SNX29: variants seen among roughly 807,000 people sequenced by gnomAD.
SNX29 encodes the protein sorting nexin 29.
Under a neutral mutation model 102.1 loss-of-function variants are expected in SNX29, and 78 were observed. The ratio of observed to expected loss-of-function variants is 0.76; its 90% CI spans 0.64 to 0.92. SNX29 has a LOEUF of 0.92. Among genes scored for constraint, SNX29 ranks in the 40% least tolerant of loss-of-function variants. The pLI, the probability that SNX29 is intolerant of heterozygous loss-of-function variation, is 0.00. For missense variants in SNX29, 1,280 were observed against 1,061.7 expected (o/e 1.21, Z -2.86); for synonymous variants, 580 against 414.5 (o/e 1.40, Z -4.85).
At chr16:12,169,654 G>T (rs1254478263) in intron 13 of SNX29, among the ~76,000 whole-genome samples, 3 of 152,182 alleles carry the variant, frequency 2.0e-5, no homozygotes, top group African/African-American at 7.2e-5. Context: ...GAGGTCAGTA[G>T]TTCGAGACCA....
chr16:12,332,827 G>C (rs539350675), intron 15 of SNX29, among the ~76,000 whole-genome samples: 1 of 151,968 alleles, frequency 6.6e-6, no homozygotes, highest in African/African-American at 2.4e-5. Flanking sequence ...CTTTCATTTC[G>C]TCTTGGCTGC....
chr16:12,443,152 G>C (rs1034262515), intron 18 of SNX29: 6 of 399,386 alleles, frequency 1.5e-5, no homozygotes, highest in African/African-American at 4.2e-5. Context: ...CCTAGGGCCT[G>C]CGTGGGCTTT....
At chr16:12,080,714 A>G (rs2051827600) in intron 11 of SNX29, among the ~76,000 whole-genome samples, 1 of 137,528 alleles carries the variant, frequency 7.3e-6, no homozygotes, top group Non-Finnish European at 1.5e-5. Context: ...TTTTTGAGAC[A>G]GAGTCTTGCT....
intron 11 of SNX29, among the ~76,000 whole-genome samples, chr16:12,117,478 C>T (rs1318787811): frequency 6.6e-6 from 1 of 152,160 alleles, no homozygotes; most frequent in African/African-American, 2.4e-5. Flanking sequence ...ACCGTGGAAA[C>T]AGGCTTAGTC....
At chr16:12,006,235 G>A (rs991807035) in intron 3 of SNX29, among the ~76,000 whole-genome samples, 1 of 120,308 alleles carries the variant, frequency 8.3e-6, no homozygotes, top group Non-Finnish European at 1.9e-5. Flanking sequence ...AATAATAATA[G>A]CCAGGCATGG....
chr16:12,048,765 C>T, intron 7 of SNX29, 145 bp downstream of exon 7: 1 of 1,397,622 alleles, frequency 7.2e-7, no homozygotes, highest in South Asian at 1.2e-5. Context: ...TGTTTCTCAT[C>T]CTCATTCACT....
chr16:12,183,965 CCT>C (rs1231897008), intron 13 of SNX29, among the ~76,000 whole-genome samples: 11 of 152,302 alleles, frequency 7.2e-5, no homozygotes, highest in Admixed American at 6.5e-4. Flanking sequence ...GGGTATGCAC[CCT>C]GTGTTTAGCA....
chr16:12,540,476 T>TC (rs2077281540), intron 20 of SNX29, among the ~76,000 whole-genome samples: 1 of 152,246 alleles, frequency 6.6e-6, no homozygotes, highest in Non-Finnish European at 1.5e-5. Flanking sequence ...TAGGCTACAG[T>TC]CAAGGTGTCG....
chr16:12,427,447 T>G (rs1316081739), intron 18 of SNX29, among the ~76,000 whole-genome samples: 1 of 152,250 alleles, frequency 6.6e-6, no homozygotes, highest in Non-Finnish European at 1.5e-5. Context: ...GTTTTTCTTT[T>G]TTTTATTTAT....
chr16:11,981,110 G>C (rs2055404019), intron 1 of SNX29, among the ~76,000 whole-genome samples: 1 of 151,898 alleles, frequency 6.6e-6, no homozygotes, highest in Non-Finnish European at 1.5e-5. Context: ...TGGGACTACA[G>C]GTGCACACCC....
At chr16:12,349,006 C>T (rs998964184) in intron 15 of SNX29, among the ~76,000 whole-genome samples, 18 of 152,310 alleles carry the variant, frequency 1.2e-4, no homozygotes, top group African/African-American at 4.3e-4. Context: ...TTCCCCATTC[C>T]TCAGCTTGTT....
chr16:12,316,726 C>T (rs1013353802), intron 15 of SNX29, among the ~76,000 whole-genome samples: 3 of 152,136 alleles, frequency 2.0e-5, no homozygotes, highest in African/African-American at 4.8e-5. Context: ...CCTTCTCTCC[C>T]ATCCCTCCTT....
At chr16:12,543,772 C>T (rs983819896) in intron 20 of SNX29, among the ~76,000 whole-genome samples, 3 of 152,204 alleles carry the variant, frequency 2.0e-5, no homozygotes, top group Non-Finnish European at 4.4e-5. Context: ...AGTTTATTTT[C>T]CAAGATGTAT....
intron 13 of SNX29, among the ~76,000 whole-genome samples, chr16:12,136,732 TTTGTTGTTA>T (rs1450736395): frequency 6.6e-6 from 1 of 151,332 alleles, no homozygotes; most frequent in Non-Finnish European, 1.5e-5. Flanking sequence ...AGGAAAGGTT[TTTGTTGTTA>T]TTGTTGTTGT....
intron 20 of SNX29, among the ~76,000 whole-genome samples, chr16:12,544,568 C>T (rs527898797): frequency 1.6e-4 from 24 of 152,164 alleles, no homozygotes; most frequent in Non-Finnish European, 2.5e-4. Context: ...GTGATGGATT[C>T]ATTGTTCTGC....
chr16:12,548,936 C>G (rs1012459127), intron 20 of SNX29, among the ~76,000 whole-genome samples: 13 of 152,340 alleles, frequency 8.5e-5, no homozygotes. Context: ...CCTGCTATGG[C>G]CTGGCATTTA....
intron 13 of SNX29, among the ~76,000 whole-genome samples, chr16:12,181,617 C>A (rs1283601101): frequency 6.6e-6 from 1 of 151,896 alleles, no homozygotes; most frequent in African/African-American, 2.4e-5. Context: ...CTTTCACTTT[C>A]CTTCCAAGGA....
At chr16:12,568,311 A>AAAAAAAAAAAG (rs779782609) in intron 20 of SNX29, among the ~76,000 whole-genome samples, 195 bp from the exon 21 acceptor site, 17 of 151,470 alleles carry the variant, frequency 1.1e-4, no homozygotes, top group South Asian at 6.3e-4. Flanking sequence ...TGTTAAAAAA[A>AAAAAAAAAAAG]AAAAAATGGA....
intron 15 of SNX29, among the ~76,000 whole-genome samples, chr16:12,300,425 T>G (rs530490470): frequency 2.0e-5 from 3 of 152,322 alleles, no homozygotes; most frequent in African/African-American, 7.2e-5. Flanking sequence ...CTGTATATTT[T>G]ACTCTGTATA....
Sources: allele counts gnomAD v4.1 joint callset (sites outside exome capture counted in the v4.1 genomes callset), GRCh38; gene constraint gnomAD v4.1.1; transcripts MANE v1.5; gene names NCBI Gene and HGNC (gene_info 2026-07-23, HGNC 2026-07-21).